The following CNTNAP3B variants were observed in gnomAD, a reference collection of about 807,000 sequenced individuals.
CNTNAP3B encodes the protein contactin-associated protein-like 3B.
A neutral mutation model predicts 108.9 loss-of-function variants in CNTNAP3B; 25 were observed. That is an observed-to-expected ratio of 0.23 (90% CI 0.17 to 0.32). CNTNAP3B has a LOEUF of 0.32. CNTNAP3B is among the 10% of genes least tolerant of loss of function. The pLI is 1.00. For missense variants in CNTNAP3B, 252 were observed against 1,210.4 expected (o/e 0.21, Z 11.75); for synonymous variants, 103 against 473.4 (o/e 0.22, Z 10.16).
intron 7 of CNTNAP3B, among the ~76,000 whole-genome samples, chr9:41,995,505 G>A (rs531353687): frequency 7.4e-6 from 1 of 135,062 alleles, no homozygotes; most frequent in African/African-American, 3.0e-5. Context: ...GGAGGCCAAG[G>A]TGGGCAGATC....
Position 42,077,429 on chromosome 9 carries a change from G to A in CNTNAP3B, c.197-367C>T, listed in dbSNP as rs1277666787. ...CCAGTAGTAGGAAGTACAGTATTAA[G>A]CACTGATAAAAGAAAGACAGTTAAT... On this transcript the variant is annotated intron_variant, in intron 2 of 23. Coordinates refer to ENST00000377561, the MANE Select transcript of CNTNAP3B (RefSeq NM_001201380.3). Among the ~76,000 whole-genome samples, 28 of 137,838 alleles carry A rather than the reference G, an allele frequency of 2.0e-4. 9 individuals are homozygous for A. The highest frequency in any genetic ancestry group is 6.9e-4 in the African/African-American group (24 of 34,548). The allele number at this position is 137,838 out of a possible 152,430, so 90.4% of individuals were successfully genotyped here.
At chr9:41,916,553 A>G (rs2117914412) in intron 18 of CNTNAP3B, among the ~76,000 whole-genome samples, 1 of 151,764 alleles carries the variant, frequency 6.6e-6, no homozygotes, top group South Asian at 2.1e-4. Context: ...GTAGGGATAT[A>G]TTTACTATCT....
At chr9:41,920,954 A>G (rs1393574213) in intron 17 of CNTNAP3B, among the ~76,000 whole-genome samples, 10 of 152,290 alleles carry the variant, frequency 6.6e-5, no homozygotes, top group East Asian at 1.9e-4. Flanking sequence ...TGAATGCTGA[A>G]GAAACCATTT....
At chr9:42,070,668 C>G (rs1827354928) in intron 3 of CNTNAP3B, among the ~76,000 whole-genome samples, 2 of 152,114 alleles carry the variant, frequency 1.3e-5, no homozygotes, top group Non-Finnish European at 2.9e-5. Flanking sequence ...CTTTCCTGCT[C>G]TCTCATAGCA....
At chr9:42,118,291 A>T (rs1828369685) in intron 1 of CNTNAP3B, among the ~76,000 whole-genome samples, 1 of 139,600 alleles carries the variant, frequency 7.2e-6, no homozygotes, top group Non-Finnish European at 1.5e-5. Flanking sequence ...AATACTGGCA[A>T]ACTGAATACA....
chr9:41,944,838 T>G lies in CNTNAP3B; in HGVS notation c.2081-6438A>C, dbSNP rs1007960110. On this transcript the variant is annotated intron_variant, in intron 13 of 23. Coordinates refer to ENST00000377561, the MANE Select transcript of CNTNAP3B (RefSeq NM_001201380.3). ...ACCATCAGAGTGAACAGGCAACCTA[T>G]AGAATGGGAGAAAATTTTTGCAATC... 2.7e-4 allele frequency among the ~76,000 whole-genome samples: 41 copies of G among 152,366 alleles called. No homozygotes were observed. The East Asian group carries it at 6.4e-3, about 24-fold the overall frequency.
At chr9:41,954,609 G>C (rs752864121) in intron 12 of CNTNAP3B, among the ~76,000 whole-genome samples, 3,007 of 130,272 alleles carry the variant, frequency 0.023, no homozygotes, top group Non-Finnish European at 0.037. Context: ...GAGGCTCTAA[G>C]TGTGCCTATG....
chr9:41,894,336 C>T (rs1172019532), intron 23 of CNTNAP3B, among the ~76,000 whole-genome samples: 1 of 105,052 alleles, frequency 9.5e-6, no homozygotes, highest in Admixed American at 9.6e-5. Flanking sequence ...CTATGTTGCC[C>T]AGGCTGGTCT....
rs1271418845 is a variant in CNTNAP3B at position 41,991,098 on chromosome 9, C to T, written c.1333+512G>A. Among the ~76,000 whole-genome samples the T allele has an allele frequency of 7.7e-5, 10 of 130,376 alleles. 1 individual carries two copies. Among genetic ancestry groups the T allele is most frequent in the Non-Finnish European group, 1.3e-4 (8 of 62,040 alleles). The allele number at this position is 130,376 out of a possible 152,430, so 85.5% of individuals were successfully genotyped here. Reference sequence around the variant, plus strand: ...GGAGCTGAGATTCTTCCAGGGTGCCCGGCTATCCCAGAAAACGAATCAGCC... The same window carrying T: ...GGAGCTGAGATTCTTCCAGGGTGCCTGGCTATCCCAGAAAACGAATCAGCC... On this transcript the variant is annotated intron_variant, in intron 8 of 23. Coordinates refer to ENST00000377561, the MANE Select transcript of CNTNAP3B (RefSeq NM_001201380.3).
intron 2 of CNTNAP3B, among the ~76,000 whole-genome samples, chr9:42,080,586 A>G (rs965708036): frequency 7.5e-6 from 1 of 134,116 alleles, no homozygotes; most frequent in African/African-American, 3.0e-5. Flanking sequence ...AGAAAGAGAA[A>G]GGAGATTGGC....
chr9:41,945,046 C>T (rs1201146213), intron 13 of CNTNAP3B, among the ~76,000 whole-genome samples: 6 of 152,358 alleles, frequency 3.9e-5, no homozygotes, highest in African/African-American at 7.2e-5. Flanking sequence ...CAGAGAAATG[C>T]AAATCAAAAC....
chr9:42,035,611 A>C (rs1259030811), intron 3 of CNTNAP3B, among the ~76,000 whole-genome samples: 2 of 149,032 alleles, frequency 1.3e-5, no homozygotes, highest in African/African-American at 5.0e-5. Context: ...AGTGCCTGAC[A>C]CATAGTACAC....
chr9:42,098,606 C>CAA (rs769753898), intron 2 of CNTNAP3B, among the ~76,000 whole-genome samples: 1 of 72,932 alleles, frequency 1.4e-5, no homozygotes, highest in Non-Finnish European at 2.9e-5. Context: ...AAACCAACAG[C>CAA]AAAAAAAAAC....
At chr9:41,934,433 G>T (rs1253463567) in intron 14 of CNTNAP3B, among the ~76,000 whole-genome samples, 2 of 152,264 alleles carry the variant, frequency 1.3e-5, no homozygotes, top group South Asian at 4.1e-4. Flanking sequence ...GTGTTAGCCA[G>T]GATGGTCTCG....
intron 1 of CNTNAP3B, among the ~76,000 whole-genome samples, chr9:42,121,516 T>A (rs889496827): frequency 1.4e-5 from 2 of 138,244 alleles, no homozygotes; most frequent in Non-Finnish European, 3.1e-5. Flanking sequence ...CTGCCTAGCC[T>A]GCCAAAACAA....
intron 18 of CNTNAP3B, among the ~76,000 whole-genome samples, chr9:41,919,262 G>A (rs1272028869): frequency 8.4e-3 from 1,271 of 150,522 alleles, no homozygotes; most frequent in African/African-American, 0.022. Flanking sequence ...AGCCTCCCGA[G>A]TAGCTGGGAT....
chr9:41,931,463 G>T (rs1337790223), intron 14 of CNTNAP3B, among the ~76,000 whole-genome samples: 1 of 152,286 alleles, frequency 6.6e-6, no homozygotes, highest in African/African-American at 2.4e-5. Context: ...TTTTATAAAA[G>T]ACTAGGTATC....
At chr9:41,944,572 G>T (rs985100538) in intron 13 of CNTNAP3B, among the ~76,000 whole-genome samples, 1 of 152,216 alleles carries the variant, frequency 6.6e-6, no homozygotes, top group African/African-American at 2.4e-5. Context: ...TGAGGATATG[G>T]AATCATATAA....
intron 3 of CNTNAP3B, among the ~76,000 whole-genome samples, chr9:42,056,138 A>G (rs1172970636): frequency 7.5e-6 from 1 of 132,820 alleles, no homozygotes; most frequent in Non-Finnish European, 1.6e-5. Context: ...GCATGTTTCC[A>G]TACTATTTAA....
Sources: allele counts gnomAD v4.1 joint callset (sites outside exome capture counted in the v4.1 genomes callset), GRCh38; gene constraint gnomAD v4.1.1; transcripts MANE v1.5; gene names NCBI Gene and HGNC (gene_info 2026-07-23, HGNC 2026-07-21).